FBXL4: variants seen among roughly 807,000 people sequenced by gnomAD.
The protein encoded by FBXL4 is F-box and leucine rich repeat protein 4, also known as F-box/LRR-repeat protein 4.
In FBXL4, 40 loss-of-function variants were observed where a neutral mutation model predicts 58.9. That is an observed-to-expected ratio of 0.68 (90% CI 0.53 to 0.88). FBXL4 has a LOEUF of 0.88. Among genes scored for constraint, FBXL4 ranks in the 40% least tolerant of loss-of-function variants. The pLI, the probability that FBXL4 is intolerant of heterozygous loss-of-function variation, is 0.00. For synonymous variants in FBXL4, 263 were observed against 265.5 expected (o/e 0.99, Z 0.09); for missense variants, 676 against 734.4 (o/e 0.92, Z 0.92).
intron 6 of FBXL4, among the ~76,000 whole-genome samples, chr6:98,899,999 G>C (rs1771547433): frequency 6.6e-6 from 1 of 152,148 alleles, no homozygotes; most frequent in African/African-American, 2.4e-5. Context: ...TTTAACTACA[G>C]CACTGTTATG....
chr6:98,947,489 A>G (rs1773666386), intron 1 of FBXL4, among the ~76,000 whole-genome samples: 1 of 152,252 alleles, frequency 6.6e-6, no homozygotes, highest in African/African-American at 2.4e-5. Flanking sequence ...GGCGACCCGC[A>G]GTCCCCCGCG....
At chr6:98,936,491 A>C (rs1773222688) in intron 1 of FBXL4, among the ~76,000 whole-genome samples, 1 of 152,230 alleles carries the variant, frequency 6.6e-6, no homozygotes, top group African/African-American at 2.4e-5. Context: ...GCGATCTCTG[A>C]AACAGCAAGA....
rs568527220 is a variant in FBXL4, at chr6:98,909,850, C to T, written c.859-4180G>A. 3.9e-5 allele frequency among the ~76,000 whole-genome samples: 6 copies of T among 152,268 alleles called. No homozygotes were observed. The South Asian group carries it at 1.2e-3, about 32-fold the overall frequency. On this transcript the variant is annotated intron_variant, in intron 5 of 9. Transcript: ENST00000369244. ...CATGAGGTCTGGGTGGGATCCTGGT[C>T]CCATGGCTTAAAGACCAAATTAACT...
chr6:98,898,609 A>C, intron 7 of FBXL4: 1 of 982,620 alleles, frequency 1.0e-6, no homozygotes, highest in Non-Finnish European at 1.2e-6. Flanking sequence ...CGTCTCAAAA[A>C]AGAAAAAAAA....
In FBXL4 at chr6:98,874,387, T is replaced by C. The variant is rs1361443959; in HGVS notation, c.1757A>G (p.Asp586Gly). The change falls in exon 10 of 10, where the codon GAT becomes GGT. Residue 586 changes from aspartate to glycine, a missense_variant. Transcript: ENST00000369244. The part of the protein sequence containing the change: ...SLRKLLESCK[D>G]LSLLDVSFCS... ...GAAGGACACATCAAGTAAAGAAAGA[T>C]CTTTACAAGATTCCAGGAGTTTTCT... 1 of 1,613,248 alleles carries C rather than the reference T, an allele frequency of 6.2e-7. No homozygotes were observed. Among genetic ancestry groups the C allele is most frequent in the Non-Finnish European group, 8.5e-7 (1 of 1,179,670 alleles).
At chr6:98,917,835 T>A in intron 4 of FBXL4, 116 bp from the exon 5 acceptor site, 1 of 667,804 alleles carries the variant, frequency 1.5e-6, no homozygotes, top group East Asian at 2.8e-5. Context: ...TCAAAATAAA[T>A]AGAATCCAAT....
intron 7 of FBXL4, chr6:98,898,820 T>C: frequency 1.0e-6 from 1 of 985,340 alleles, no homozygotes; most frequent in Non-Finnish European, 1.2e-6. Flanking sequence ...GACTAATATA[T>C]ATGACATGAT....
At position 98,875,486 on chromosome 6, in the gene FBXL4, C is replaced by T. The variant is rs746383238; in HGVS notation, c.1631G>A (p.Arg544Lys). 1 of 1,614,102 alleles carries T rather than the reference C, an allele frequency of 6.2e-7. No individual in the cohort carries two copies. The highest frequency in any genetic ancestry group is 8.5e-7 in the Non-Finnish European group (1 of 1,179,964). Residue 544 changes from arginine (R) to lysine (K), a missense_variant, in exon 9 of 10, where the codon AGA becomes AAA. Physicochemically the swap from Arg to Lys is conservative, Grantham distance 26 (BLOSUM62 2). Transcript: ENST00000369244. ...ATCAATGTCTGTGTCACACACAGAT[C>T]TATTAGCTGTAAGAAAGAGTTTTTG... ...NLQKLFLTAN[R>K]SVCDTDIDEL...
At chr6:98,930,353 G>A (rs566950129) in intron 2 of FBXL4, among the ~76,000 whole-genome samples, 25 of 152,324 alleles carry the variant, frequency 1.6e-4, no homozygotes, top group Admixed American at 1.1e-3. Context: ...CCGCCGGGGC[G>A]GAAGTTGCAG....
At chr6:98,878,361 A>T (rs1185491844) in intron 8 of FBXL4, among the ~76,000 whole-genome samples, 1 of 152,170 alleles carries the variant, frequency 6.6e-6, no homozygotes, top group African/African-American at 2.4e-5. Context: ...GTTGTAGCAC[A>T]CACCATTGTA....
intron 9 of FBXL4, 136 bp from the exon 10 acceptor site, chr6:98,874,577 T>C (rs1770587658): frequency 3.9e-6 from 4 of 1,016,886 alleles, no homozygotes; most frequent in Non-Finnish European, 5.5e-6. Flanking sequence ...TAAAATCATT[T>C]TTTCAAACAT....
chr6:98,885,661 T>C (rs957332810), intron 7 of FBXL4, among the ~76,000 whole-genome samples: 3 of 152,234 alleles, frequency 2.0e-5, no homozygotes, highest in African/African-American at 7.2e-5. Context: ...CAGCTCTTCC[T>C]GGGTCTTAAA....
At chr6:98,893,566 G>T (rs1264802905) in intron 7 of FBXL4, among the ~76,000 whole-genome samples, 2 of 152,128 alleles carry the variant, frequency 1.3e-5, no homozygotes, top group Non-Finnish European at 2.9e-5. Flanking sequence ...CTTAGGTACT[G>T]GGGGGTAGGA....
intron 1 of FBXL4, among the ~76,000 whole-genome samples, chr6:98,942,263 G>A (rs893613014): frequency 1.3e-5 from 2 of 151,856 alleles, no homozygotes; most frequent in African/African-American, 4.8e-5. Context: ...TCAAGTAACA[G>A]TGACCTTATA....
rs928391486 is a variant in FBXL4 at position 98,875,608 on chromosome 6, C to A, written c.1509G>T (p.Gly503=). 6.2e-7 allele frequency: 1 copy of A among 1,614,130 alleles called. No homozygotes were observed. Among genetic ancestry groups the A allele is most frequent in the East Asian group, 2.2e-5 (1 of 44,882 alleles). ...TENGIAELAS[G]CPLLEELDLG... ...GGTCAAGCTCCTCCAGTAGTGGACACCCAGAAGCCAGTTCTGCTATTCCAT... is the reference window on the plus strand; with the variant it reads ...GGTCAAGCTCCTCCAGTAGTGGACAACCAGAAGCCAGTTCTGCTATTCCAT... Residue 503 remains glycine, a synonymous_variant, in exon 9 of 10, where the codon GGG becomes GGT. Transcript: ENST00000369244.
rs1770563086 is a variant in FBXL4, at chr6:98,873,938, A to G, written c.*340T>C. On this transcript the variant is annotated 3_prime_UTR_variant, in exon 10 of 10. Transcript: ENST00000369244. ...AAAAAATTAACTTTTTTTTTTGCAT[A>G]AATGCCACGATACTTTATTGCTCAG... The G allele has an allele frequency of 1.8e-5, 3 of 165,262 alleles. No individual in the cohort carries two copies. The South Asian group carries it at 5.8e-4, about 32-fold the overall frequency. 10.2% of individuals were successfully genotyped at this position (165,262 alleles called of 1,614,324 possible). A position where few individuals can be genotyped will look rare whatever the true frequency, so the allele number is the denominator to read the frequency against.
Position 98,926,972 on chromosome 6 carries a change from G to T in FBXL4, c.17C>A (p.Pro6His), listed in dbSNP as rs1308260675. The T allele has an allele frequency of 6.2e-7, 1 of 1,613,500 alleles. No individual in the cohort carries two copies. Among genetic ancestry groups the T allele is most frequent in the South Asian group, 1.1e-5 (1 of 91,036 alleles). Residue 6 changes from proline (P) to histidine (H), a missense_variant, in exon 4 of 10, where the codon CCC becomes CAC. Coordinates refer to ENST00000369244, the MANE Select transcript of FBXL4 (RefSeq NM_001278716.2). MSPVF[P>H]MLTVLTMFYY... ...AAACATGGTCAGAACTGTTAACATG[G>T]GAAAGACCGGTGACATCTAGATGTG...
intron 6 of FBXL4, among the ~76,000 whole-genome samples, chr6:98,902,358 T>C (rs34065023): frequency 0.049 from 7,521 of 152,148 alleles, 254 homozygotes; most frequent in Middle Eastern, 0.12. Context: ...CCTGCTTAAC[T>C]GTATATGGGT....
chr6:98,876,786 T>C (rs1770677682), intron 8 of FBXL4, among the ~76,000 whole-genome samples: 1 of 151,954 alleles, frequency 6.6e-6, no homozygotes, highest in Middle Eastern at 3.4e-3. Context: ...AAAAATGAGA[T>C]CCATACAGTC....
Sources: allele counts gnomAD v4.1 joint callset (sites outside exome capture counted in the v4.1 genomes callset), GRCh38; gene constraint gnomAD v4.1.1; transcripts MANE v1.5; gene names NCBI Gene and HGNC (gene_info 2026-07-23, HGNC 2026-07-21).